Variants in FOCAD observed in about 807,000 individuals in gnomAD.
The protein encoded by FOCAD is KIAA1797.
A neutral mutation model predicts 225.6 loss-of-function variants in FOCAD; 198 were observed. The ratio of observed to expected loss-of-function variants is 0.88; its 90% CI spans 0.78 to 0.99. The LOEUF is 0.99. Among genes scored for constraint, FOCAD ranks in the 50% least tolerant of loss-of-function variants. The probability of loss-of-function intolerance (pLI) is 0.00; values close to 1 mark genes in which losing one functional copy is unlikely to be tolerated. For synonymous variants in FOCAD, 897 were observed against 755.0 expected (o/e 1.19, Z -3.08); for missense variants, 2,713 against 2,123.6 (o/e 1.28, Z -5.46).
intron 15 of FOCAD, among the ~76,000 whole-genome samples, chr9:20,849,817 C>T (rs559531599): frequency 1.3e-5 from 2 of 152,006 alleles, no homozygotes; most frequent in South Asian, 4.1e-4. Context: ...GCTATCCTTT[C>T]ATAATTGCCT....
At chr9:20,848,356 G>A (rs1827324451) in intron 15 of FOCAD, among the ~76,000 whole-genome samples, 1 of 152,034 alleles carries the variant, frequency 6.6e-6, no homozygotes, top group Non-Finnish European at 1.5e-5. Flanking sequence ...GACCCTCTCT[G>A]GAATAGAGGT....
At chr9:20,659,236 A>G (rs1301402047) in intron 2 of FOCAD, among the ~76,000 whole-genome samples, 2 of 102,994 alleles carry the variant, frequency 1.9e-5, no homozygotes, top group African/African-American at 3.7e-5. Context: ...CCCGCCCCAC[A>G]CAAAAAAATT....
chr9:20,855,793 TC>T (rs939835936), intron 15 of FOCAD, among the ~76,000 whole-genome samples: 5 of 141,320 alleles, frequency 3.5e-5, no homozygotes, highest in African/African-American at 5.2e-5. Context: ...ACCCCTATAT[TC>T]TTTTTTTTTT....
intron 19 of FOCAD, among the ~76,000 whole-genome samples, chr9:20,880,188 A>C (rs1830552042): frequency 6.6e-6 from 1 of 152,202 alleles, no homozygotes; most frequent in Non-Finnish European, 1.5e-5. Context: ...GTAATTGGAG[A>C]GAGTTTAATA....
intron 6 of FOCAD, among the ~76,000 whole-genome samples, chr9:20,762,421 C>A (rs1157101722): frequency 6.6e-6 from 1 of 152,126 alleles, no homozygotes; most frequent in Non-Finnish European, 1.5e-5. Context: ...AGACTGTGAG[C>A]TCTATGAGAG....
Position 20,908,379 on chromosome 9 carries a change from C to T in FOCAD, c.2718+1137C>T, listed in dbSNP as rs187020641. Among the ~76,000 whole-genome samples the T allele has an allele frequency of 4.0e-3, 615 of 152,092 alleles. 4 individuals carry two copies. The highest frequency in any genetic ancestry group is 6.1e-3 in the Non-Finnish European group (412 of 67,950). Reference sequence around the variant, plus strand: ...ATGGTGTTCTAATCTCAAATTAAAACCTTTTTACAACCCATCTTACAGATC... The same window carrying T: ...ATGGTGTTCTAATCTCAAATTAAAATCTTTTTACAACCCATCTTACAGATC... On this transcript the variant is annotated intron_variant, in intron 22 of 43. Transcript: ENST00000338382.
intron 35 of FOCAD, among the ~76,000 whole-genome samples, chr9:20,954,989 C>A (rs1238099579): frequency 6.6e-6 from 1 of 152,122 alleles, no homozygotes; most frequent in Non-Finnish European, 1.5e-5. Flanking sequence ...CTTCAATATA[C>A]CCAGCTCATT....
chr9:20,927,793 T>C (rs1219771346), intron 26 of FOCAD: 1 of 152,172 alleles, frequency 6.6e-6, no homozygotes, highest in Non-Finnish European at 1.5e-5. Context: ...ACACAGATTC[T>C]GAACTGTTGC....
intron 24 of FOCAD, among the ~76,000 whole-genome samples, chr9:20,917,803 C>A (rs1328008259): frequency 6.6e-6 from 1 of 152,058 alleles, no homozygotes; most frequent in Admixed American, 6.6e-5. Context: ...AAAAACAGAA[C>A]AAAAAATGAT....
At chr9:20,926,216 A>G in intron 25 of FOCAD, 85 bp from the exon 26 acceptor site, 2 of 816,070 alleles carry the variant, frequency 2.5e-6, no homozygotes, top group South Asian at 3.0e-5. Flanking sequence ...ATTGTTTAAT[A>G]TAGAAGGGAG....
intron 21 of FOCAD, among the ~76,000 whole-genome samples, chr9:20,889,012 A>G (rs565053084): frequency 3.3e-5 from 5 of 152,228 alleles, no homozygotes; most frequent in Non-Finnish European, 7.3e-5. Flanking sequence ...ACTTATTTAA[A>G]GTATACAACT....
chr9:20,939,150 C>CAAAAAAAAAAAAAAAAAAA lies in FOCAD; in HGVS notation c.3408-5460_3408-5459insAAAAAAAAAAAAAAAAAAA, dbSNP rs565280892. On this transcript the variant is annotated intron_variant, in intron 28 of 43. Transcript: ENST00000338382. ...GGGCGACAGAGCGAGACTCTCTTCTCAAAAAAAAAAAAAAAAAGAGTGTGG... is the reference window on the plus strand; with the variant it reads ...GGGCGACAGAGCGAGACTCTCTTCTCAAAAAAAAAAAAAAAAAAAAAAAAAAAAAAAAAAAAGAGTGTGG... Among the ~76,000 whole-genome samples, 191 of 72,444 alleles carry CAAAAAAAAAAAAAAAAAAA rather than the reference C, an allele frequency of 2.6e-3. 18 individuals are homozygous for CAAAAAAAAAAAAAAAAAAA. The highest frequency in any genetic ancestry group is 0.011 in the Middle Eastern group (1 of 94). 47.5% of individuals were successfully genotyped at this position (72,444 alleles called of 152,430 possible).
chr9:20,797,688 A>G (rs1338652459), intron 11 of FOCAD, among the ~76,000 whole-genome samples: 3 of 152,146 alleles, frequency 2.0e-5, no homozygotes, highest in Non-Finnish European at 4.4e-5. Flanking sequence ...ATCAAAATGC[A>G]TTGATTTTGT....
intron 21 of FOCAD, among the ~76,000 whole-genome samples, chr9:20,905,845 G>C (rs756804318): frequency 6.6e-6 from 1 of 151,578 alleles, no homozygotes; most frequent in Non-Finnish European, 1.5e-5. Context: ...CACCCTGCTC[G>C]TTGTAGTACT....
At chr9:20,803,092 A>T (rs1187587273) in intron 11 of FOCAD, among the ~76,000 whole-genome samples, 1 of 152,092 alleles carries the variant, frequency 6.6e-6, no homozygotes, top group African/African-American at 2.4e-5. Context: ...GATTGTGTTA[A>T]ATTTTTAATG....
chr9:20,798,437 T>G (rs1266071811), intron 11 of FOCAD, among the ~76,000 whole-genome samples: 2 of 152,178 alleles, frequency 1.3e-5, no homozygotes, highest in African/African-American at 4.8e-5. Flanking sequence ...AGCTCCTCCT[T>G]GTACCTCTGG....
At position 20,794,195 on chromosome 9, in the gene FOCAD, A is replaced by G. The variant is rs145182787; in HGVS notation, c.1455+4587A>G. Among the ~76,000 whole-genome samples the G allele has an allele frequency of 2.3e-3, 343 of 152,352 alleles. 2 individuals are homozygous for G. The highest frequency in any genetic ancestry group is 6.8e-3 in the Middle Eastern group (2 of 294). Reference sequence around the variant, plus strand: ...GTAACTAACCAGAGCATCTGTCTCTAGAAGTAACAGAACTTAGAGAGCAGG... The same window carrying G: ...GTAACTAACCAGAGCATCTGTCTCTGGAAGTAACAGAACTTAGAGAGCAGG... On this transcript the variant is annotated intron_variant, in intron 11 of 43. Transcript: ENST00000338382.
At position 20,762,773 on chromosome 9, in the gene FOCAD, C is replaced by T. The variant is rs533568970; in HGVS notation, c.495-2096C>T. ...TGGCCTTTTATTGATTCTGTCACCC[C>T]GTAGTGAACAAAGTGCCTAACAGGA... On this transcript the variant is annotated intron_variant, in intron 6 of 43. Coordinates refer to ENST00000338382, the MANE Select transcript of FOCAD (RefSeq NM_001375567.1). Among the ~76,000 whole-genome samples, 13 of 152,136 alleles carry T rather than the reference C, an allele frequency of 8.5e-5. No homozygotes were observed. The East Asian group carries it at 1.9e-3, about 23-fold the overall frequency.
chr9:20,712,889 C>G (rs1387912603), intron 1 of FOCAD, among the ~76,000 whole-genome samples: 2 of 151,860 alleles, frequency 1.3e-5, no homozygotes, highest in Non-Finnish European at 2.9e-5. Flanking sequence ...CACACCACCA[C>G]ATCTGGCTAA....
Sources: gnomAD v4.1 joint callset for allele counts (sites outside exome capture counted in the v4.1 genomes callset) on GRCh38, gnomAD v4.1.1 for gene constraint, MANE v1.5 for transcripts, NCBI Gene and HGNC (gene_info 2026-07-23, HGNC 2026-07-21) for gene names.